FOXP2: variants seen among roughly 807,000 people sequenced by gnomAD.
FOXP2 encodes forkhead box protein P2.
In FOXP2, 12 loss-of-function variants were observed where a neutral mutation model predicts 115.8. The ratio of observed to expected loss-of-function variants is 0.10; its 90% CI spans 0.07 to 0.17. FOXP2 has a LOEUF of 0.17. FOXP2 is among the 10% of genes least tolerant of loss of function. The pLI is 1.00. For missense variants in FOXP2, 629 were observed against 843.5 expected, an observed-to-expected ratio of 0.75 and a Z score of 3.15; for synonymous variants, 328 against 297.7, an observed-to-expected ratio of 1.10 and a Z score of -1.05.
intron 1 of FOXP2, among the ~76,000 whole-genome samples, chr7:114,135,677 C>T (rs1273063867): frequency 6.6e-6 from 1 of 151,974 alleles, no homozygotes; most frequent in African/African-American, 2.4e-5. Flanking sequence ...TTCAGTGACC[C>T]AAGTAGTGTT....
intron 2 of FOXP2, among the ~76,000 whole-genome samples, chr7:114,321,610 A>T (rs550167170): frequency 3.3e-4 from 50 of 152,318 alleles, no homozygotes; most frequent in Admixed American, 2.9e-3. Context: ...CCAAGGCATT[A>T]TTCTCTACTT....
intron 16 of FOXP2, among the ~76,000 whole-genome samples, chr7:114,681,449 C>T (rs773323448): frequency 3.3e-5 from 5 of 152,126 alleles, no homozygotes; most frequent in Non-Finnish European, 7.4e-5. Flanking sequence ...ATCAGAACTT[C>T]ATAAGCCCCA....
At chr7:114,311,579 G>A (rs368589345) in intron 2 of FOXP2, among the ~76,000 whole-genome samples, 5 of 152,224 alleles carry the variant, frequency 3.3e-5, no homozygotes, top group African/African-American at 4.8e-5. Flanking sequence ...ATTCTGGTGC[G>A]TTTTCCTTCT....
intron 3 of FOXP2, chr7:114,538,313 G>C: frequency 7.7e-7 from 1 of 1,301,446 alleles, no homozygotes; most frequent in Middle Eastern, 2.1e-4. Context: ...TATTGTTCTT[G>C]TTACATTTAC....
intron 3 of FOXP2, among the ~76,000 whole-genome samples, chr7:114,597,541 C>T (rs1205989936): frequency 3.9e-5 from 6 of 152,058 alleles, no homozygotes; most frequent in Non-Finnish European, 8.8e-5. Context: ...TAAATGCCAG[C>T]AAAATGACAA....
chr7:114,177,444 TA>T (rs954795001), intron 1 of FOXP2, among the ~76,000 whole-genome samples: 3 of 152,132 alleles, frequency 2.0e-5, no homozygotes, highest in African/African-American at 7.2e-5. Flanking sequence ...CATTTGTTTT[TA>T]ACTGCTCTAT....
intron 3 of FOXP2, among the ~76,000 whole-genome samples, chr7:114,535,668 A>C (rs1215704774): frequency 6.6e-6 from 1 of 151,554 alleles, no homozygotes; most frequent in Non-Finnish European, 1.5e-5. Flanking sequence ...TAAGCTACTG[A>C]TCTGTACAAT....
intron 1 of FOXP2, among the ~76,000 whole-genome samples, chr7:114,205,069 G>T (rs1219134779): frequency 1.3e-5 from 2 of 152,110 alleles, no homozygotes; most frequent in African/African-American, 4.8e-5. Flanking sequence ...TCAAAATACA[G>T]CAAAGAGAAG....
chr7:114,275,654 A>G (rs1315007291), intron 1 of FOXP2, among the ~76,000 whole-genome samples: 1 of 152,170 alleles, frequency 6.6e-6, no homozygotes, highest in Non-Finnish European at 1.5e-5. Context: ...GTTGTTTTAC[A>G]TTCCTGGTCT....
intron 3 of FOXP2, among the ~76,000 whole-genome samples, chr7:114,601,490 C>T (rs1321291184): frequency 6.6e-6 from 1 of 151,910 alleles, no homozygotes; most frequent in Non-Finnish European, 1.5e-5. Context: ...TCATTAATTT[C>T]TATTCTTAAC....
chr7:114,183,825 C>T (rs926632433), intron 1 of FOXP2, among the ~76,000 whole-genome samples: 1 of 152,100 alleles, frequency 6.6e-6, no homozygotes, highest in Non-Finnish European at 1.5e-5. Context: ...CGAAAACCCC[C>T]CAAAGCCTTA....
intron 16 of FOXP2, among the ~76,000 whole-genome samples, chr7:114,684,857 A>G (rs1808277968): frequency 1.3e-5 from 2 of 152,232 alleles, no homozygotes; most frequent in East Asian, 1.9e-4. Context: ...CATTAGATTT[A>G]ATAAATGTTT....
intron 16 of FOXP2, chr7:114,665,368 A>G (rs6952305): frequency 3.3e-5 from 5 of 152,096 alleles, no homozygotes; most frequent in Admixed American, 6.6e-5. Flanking sequence ...TCTAATTACA[A>G]GTTATTGAGG....
intron 3 of FOXP2, among the ~76,000 whole-genome samples, chr7:114,578,660 T>C (rs1801692892): frequency 1.3e-5 from 2 of 152,084 alleles, no homozygotes; most frequent in Non-Finnish European, 2.9e-5. Context: ...CATTTACCTA[T>C]GAAAAAGCTT....
At chr7:114,209,856 G>A (rs1395421578) in intron 1 of FOXP2, among the ~76,000 whole-genome samples, 1 of 151,994 alleles carries the variant, frequency 6.6e-6, no homozygotes, top group African/African-American at 2.4e-5. Context: ...TTTCTCTAGT[G>A]TGTGCCTGTC....
chr7:114,183,620 G>A (rs2129155605), intron 1 of FOXP2, among the ~76,000 whole-genome samples: 1 of 152,226 alleles, frequency 6.6e-6, no homozygotes, highest in Non-Finnish European at 1.5e-5. Context: ...AAAGTTCTCT[G>A]AAAACTATAA....
chr7:114,691,704 C>T lies in FOXP2; in HGVS notation c.*1778C>T. 1 of 454,088 alleles carries T rather than the reference C, an allele frequency of 2.2e-6. No homozygotes were observed. The highest frequency in any genetic ancestry group is 1.6e-5 in the South Asian group (1 of 64,466). The allele number at this position is 454,088 out of a possible 1,614,324, so 28.1% of individuals were successfully genotyped here. A position where few individuals can be genotyped will look rare whatever the true frequency, so the allele number is the denominator to read the frequency against. ...TAACCTGATTATGGTTATTGCTTTA[C>T]AAACAGTTTTGACAGAAGGTGGCTG... On this transcript the variant is annotated 3_prime_UTR_variant, in exon 17 of 17. Transcript: ENST00000350908.
At chr7:114,209,154 C>T (rs910590344) in intron 1 of FOXP2, among the ~76,000 whole-genome samples, 1 of 152,164 alleles carries the variant, frequency 6.6e-6, no homozygotes, top group Non-Finnish European at 1.5e-5. Flanking sequence ...AGTGAGTTCT[C>T]ATGAGATCTA....
intron 3 of FOXP2, among the ~76,000 whole-genome samples, chr7:114,589,414 T>G (rs976186607): frequency 1.3e-5 from 2 of 152,190 alleles, no homozygotes; most frequent in African/African-American, 2.4e-5. Flanking sequence ...AAGTTTCACC[T>G]TAGGATCTTC....
Sources: gnomAD v4.1 joint callset for allele counts (sites outside exome capture counted in the v4.1 genomes callset) on GRCh38, gnomAD v4.1.1 for gene constraint, MANE v1.5 for transcripts, NCBI Gene and HGNC (gene_info 2026-07-23, HGNC 2026-07-21) for gene names.